The following CLSTN2 variants were observed in gnomAD, a reference collection of about 807,000 sequenced individuals.
The protein encoded by CLSTN2 is calsyntenin 2.
Under a neutral mutation model 101.2 loss-of-function variants are expected in CLSTN2, and 48 were observed. The observed-to-expected ratio is 0.47, with a 90% CI of 0.38 to 0.60. The LOEUF (loss-of-function observed/expected upper bound fraction) is 0.60, where lower values mean the gene tolerates loss of function less well. Ranked by LOEUF, CLSTN2 falls within the 20% of genes least tolerant of loss-of-function variation. The probability of loss-of-function intolerance (pLI) is 0.00; values close to 1 mark genes in which losing one functional copy is unlikely to be tolerated. For missense variants in CLSTN2, 1,160 were observed against 1,238.2 expected, an observed-to-expected ratio of 0.94 and a Z score of 0.95; for synonymous variants, 481 against 463.6, an observed-to-expected ratio of 1.04 and a Z score of -0.48.
chr3:140,321,359 C>T (rs1576514749), intron 2 of CLSTN2, among the ~76,000 whole-genome samples: 1 of 152,156 alleles, frequency 6.6e-6, no homozygotes, highest in South Asian at 2.1e-4. Context: ...CTGTCAATCT[C>T]CTATGTGATT....
chr3:140,400,427 ACAG>A (rs916031978), intron 2 of CLSTN2, among the ~76,000 whole-genome samples: 1 of 152,222 alleles, frequency 6.6e-6, no homozygotes, highest in African/African-American at 2.4e-5. Flanking sequence ...AAGGCTGAGC[ACAG>A]TGGCTCACAC....
chr3:140,127,129 T>A (rs1184730147), intron 1 of CLSTN2, among the ~76,000 whole-genome samples: 1 of 152,042 alleles, frequency 6.6e-6, no homozygotes, highest in Non-Finnish European at 1.5e-5. Context: ...GAGAAATGGA[T>A]GATTTTAGGG....
rs548054974 is a variant in CLSTN2, at chr3:140,501,391, G to C, written c.1345-30933G>C. Among the ~76,000 whole-genome samples, 7 of 152,288 alleles carry C rather than the reference G, an allele frequency of 4.6e-5. 1 individual carries two copies. In the South Asian group the frequency reaches 1.0e-3, roughly 23 times the overall value. On this transcript the variant is annotated intron_variant, in intron 8 of 16. Coordinates refer to ENST00000458420, the MANE Select transcript of CLSTN2 (RefSeq NM_022131.3). ...CTGCAAACTAGCTTTCTCCTGCCTA[G>C]CCTGAAGGCTAGATGCAGGAAGGAG...
intron 2 of CLSTN2, among the ~76,000 whole-genome samples, chr3:140,305,525 G>A (rs755472786): frequency 9.2e-5 from 14 of 152,210 alleles, no homozygotes; most frequent in Admixed American, 5.9e-4. Flanking sequence ...GAAGCAGAAC[G>A]TGCTCAGGCA....
In CLSTN2 at chr3:140,572,223, A is replaced by G. The variant is rs1985578810; in HGVS notation, c.*5970A>G. The G allele has an allele frequency of 6.6e-6, 1 of 152,182 alleles. No homozygotes were observed. Among genetic ancestry groups the G allele is most frequent in the African/African-American group, 2.4e-5 (1 of 41,448 alleles). 9.4% of individuals were successfully genotyped at this position (152,182 alleles called of 1,614,324 possible). ...GACAGGTGTAATTCTAGGGGCCCTG[A>G]TATGCATCACTGAGGCAGACTGAGG... is the stretch of plus-strand genomic sequence containing the variant. On this transcript the variant is annotated 3_prime_UTR_variant, in exon 17 of 17. Transcript: ENST00000458420.
At chr3:140,172,961 A>AT (rs1278085342) in intron 1 of CLSTN2, among the ~76,000 whole-genome samples, 1 of 152,214 alleles carries the variant, frequency 6.6e-6, no homozygotes, top group Non-Finnish European at 1.5e-5. Flanking sequence ...AAACCATATC[A>AT]TTCTTTCCCT....
intron 1 of CLSTN2, among the ~76,000 whole-genome samples, chr3:139,979,746 T>A (rs16849613): frequency 0.098 from 14,912 of 152,022 alleles, 994 homozygotes; most frequent in African/African-American, 0.17. Flanking sequence ...AAAATCAAGA[T>A]GAACTCTTTA....
rs1936031181 is a variant in CLSTN2 at position 140,566,536 on chromosome 3, C to T, written c.*283C>T. ...CCCCAGCATCCTGACTACCTGTCTGCAGAGTTTGCCTTTGTTTTTTCCTGC... is the reference window on the plus strand; with the variant it reads ...CCCCAGCATCCTGACTACCTGTCTGTAGAGTTTGCCTTTGTTTTTTCCTGC... On this transcript the variant is annotated 3_prime_UTR_variant, in exon 17 of 17. Transcript: ENST00000458420. The T allele has an allele frequency of 4.4e-6, 2 of 459,598 alleles. No individual in the cohort carries two copies. Among genetic ancestry groups the T allele is most frequent in the Admixed American group, 3.3e-5 (1 of 30,136 alleles). 28.5% of individuals were successfully genotyped at this position (459,598 alleles called of 1,614,324 possible).
At chr3:140,389,495 TC>T (rs1489002235) in intron 2 of CLSTN2, among the ~76,000 whole-genome samples, 6 of 152,266 alleles carry the variant, frequency 3.9e-5, no homozygotes, top group Admixed American at 2.6e-4. Flanking sequence ...TGCATAGTAT[TC>T]CATGGTGTAT....
intron 1 of CLSTN2, among the ~76,000 whole-genome samples, chr3:139,956,744 G>C (rs1174296912): frequency 3.3e-5 from 5 of 152,142 alleles, no homozygotes; most frequent in East Asian, 1.9e-4. Flanking sequence ...GTGCAATGCT[G>C]ATTGTCATTC....
intron 1 of CLSTN2, among the ~76,000 whole-genome samples, chr3:140,159,271 A>G (rs1038386504): frequency 6.6e-6 from 1 of 152,306 alleles, no homozygotes; most frequent in South Asian, 2.1e-4. Flanking sequence ...TTTGCAAACT[A>G]TGCATCCAAC....
chr3:140,411,741 A>T (rs1275431753), intron 4 of CLSTN2, among the ~76,000 whole-genome samples: 1 of 152,242 alleles, frequency 6.6e-6, no homozygotes, highest in African/African-American at 2.4e-5. Context: ...AGAAGCTCAG[A>T]CAAAAGAACA....
chr3:140,306,848 TTTATTATTA>T (rs57111372), intron 2 of CLSTN2, among the ~76,000 whole-genome samples: 80 of 141,968 alleles, frequency 5.6e-4, no homozygotes, highest in South Asian at 1.4e-3. Context: ...TTTTTGTCTT[TTTATTATTA>T]TTATTATTAT....
chr3:140,096,052 A>G (rs1269314598), intron 1 of CLSTN2, among the ~76,000 whole-genome samples: 1 of 152,208 alleles, frequency 6.6e-6, no homozygotes, highest in East Asian at 1.9e-4. Flanking sequence ...GCTTCTTGGA[A>G]AAACAAGAGC....
chr3:140,490,596 GAAAA>G (rs71149081), intron 8 of CLSTN2, among the ~76,000 whole-genome samples: 1 of 90,116 alleles, frequency 1.1e-5, no homozygotes, highest in Non-Finnish European at 2.1e-5. Flanking sequence ...CCTTGTCTCA[GAAAA>G]AAAAAAAAAA....
At chr3:140,534,658 C>T (rs1294738900) in intron 9 of CLSTN2, among the ~76,000 whole-genome samples, 1 of 152,176 alleles carries the variant, frequency 6.6e-6, no homozygotes, top group South Asian at 2.1e-4. Context: ...CATGGCAAAT[C>T]GTGCACAAAC....
chr3:140,478,015 C>T (rs759908377), intron 8 of CLSTN2, among the ~76,000 whole-genome samples: 5 of 152,130 alleles, frequency 3.3e-5, no homozygotes, highest in Non-Finnish European at 7.3e-5. Flanking sequence ...TAACTTCCTC[C>T]CCAATAGAGA....
At chr3:139,994,371 T>A (rs1936166088) in intron 1 of CLSTN2, among the ~76,000 whole-genome samples, 1 of 152,228 alleles carries the variant, frequency 6.6e-6, no homozygotes, top group South Asian at 2.1e-4. Flanking sequence ...TATCACTTAA[T>A]CCTTACACAA....
At chr3:140,479,246 C>T (rs771177442) in intron 8 of CLSTN2, among the ~76,000 whole-genome samples, 6 of 152,158 alleles carry the variant, frequency 3.9e-5, no homozygotes, top group Non-Finnish European at 7.3e-5. Context: ...AAGAAATACA[C>T]CTTAAAAGCA....
Sources: allele counts gnomAD v4.1 joint callset (sites outside exome capture counted in the v4.1 genomes callset), GRCh38; gene constraint gnomAD v4.1.1; transcripts MANE v1.5; gene names NCBI Gene and HGNC (gene_info 2026-07-23, HGNC 2026-07-21).